The following DEFB121 variants were observed in gnomAD, a reference collection of about 807,000 sequenced individuals.
DEFB121 encodes defensin beta 121.
Under a neutral mutation model 2.5 loss-of-function variants are expected in DEFB121, and 5 were observed. The ratio of observed to expected loss-of-function variants is 1.96; its 90% CI spans 1.03 to 4.13. The LOEUF (loss-of-function observed/expected upper bound fraction) is 4.13. Ranked by LOEUF, DEFB121 falls within the 30% of genes most tolerant of loss-of-function variation. The probability of loss-of-function intolerance (pLI) is 0.00; values close to 1 mark genes in which losing one functional copy is unlikely to be tolerated. For missense variants in DEFB121, 87 were observed against 85.0 expected (o/e 1.02, Z -0.09); for synonymous variants, 39 against 32.6 (o/e 1.20, Z -0.67).
chr20:31,412,760 C>A (rs765197775), exon 1 of DEFB121: 2 of 1,053,210 alleles, frequency 1.9e-6, no homozygotes, highest in Non-Finnish European at 1.3e-6. Flanking sequence ...CTCTGCTCAC[C>A]GTGATCTTCA....
chr20:31,416,359 C>A (rs1269477281), upstream of DEFB121, among the ~76,000 whole-genome samples: 1 of 152,188 alleles, frequency 6.6e-6, no homozygotes, highest in African/African-American at 2.4e-5. Flanking sequence ...CGGCGCCTGG[C>A]CTTCTTCGCA....
upstream of DEFB121, among the ~76,000 whole-genome samples, chr20:31,413,661 T>C (rs1376324281): frequency 6.8e-6 from 1 of 148,100 alleles, no homozygotes; most frequent in Non-Finnish European, 1.5e-5. Context: ...AGCCATTATA[T>C]GCCCTGGCCT....
upstream of DEFB121, among the ~76,000 whole-genome samples, chr20:31,417,076 T>C (rs1978827528): frequency 1.3e-5 from 2 of 152,188 alleles, no homozygotes; most frequent in South Asian, 4.1e-4. Flanking sequence ...CCGGGCGCAA[T>C]GGCTCACATC....
upstream of DEFB121, among the ~76,000 whole-genome samples, chr20:31,407,925 G>A (rs1486931899): frequency 6.6e-6 from 1 of 152,026 alleles, no homozygotes; most frequent in Admixed American, 6.6e-5. Flanking sequence ...CTACAGGCAC[G>A]CGCCACCACA....
chr20:31,414,713 G>T (rs1294283097), upstream of DEFB121, among the ~76,000 whole-genome samples: 1 of 152,154 alleles, frequency 6.6e-6, no homozygotes, highest in Non-Finnish European at 1.5e-5. Flanking sequence ...GGGAAATTAG[G>T]AATTACTAAT....
chr20:31,406,305 T>A (rs1568738871), upstream of DEFB121: 1 of 1,413,316 alleles, frequency 7.1e-7, no homozygotes, highest in East Asian at 2.6e-5. Context: ...TCATTTGAGA[T>A]CAGACAGGCA....
At chr20:31,412,494 C>A (rs1978691381) in intron 1 of DEFB121, 1 of 551,562 alleles carries the variant, frequency 1.8e-6, no homozygotes. Context: ...GGAGATGATA[C>A]TACTGACAGC....
At chr20:31,414,939 A>C (rs1448645622), upstream of DEFB121, among the ~76,000 whole-genome samples, 1 of 152,088 alleles carries the variant, frequency 6.6e-6, no homozygotes, top group Non-Finnish European at 1.5e-5. Flanking sequence ...AGTCCCAGCT[A>C]CTCAGGGACA....
chr20:31,416,721 T>C (rs1460294189), upstream of DEFB121, among the ~76,000 whole-genome samples: 1 of 152,242 alleles, frequency 6.6e-6, no homozygotes, highest in African/African-American at 2.4e-5. Flanking sequence ...GAATTTACCT[T>C]TCTGTAACAT....
chr20:31,405,427 G>A (rs948181826), intron 1 of DEFB121, among the ~76,000 whole-genome samples: 1 of 152,146 alleles, frequency 6.6e-6, no homozygotes, highest in African/African-American at 2.4e-5. Context: ...CAGGTGCCCA[G>A]TAGCAATTAG....
At chr20:31,414,789 G>A (rs1433962080), upstream of DEFB121, among the ~76,000 whole-genome samples, 4 of 152,168 alleles carry the variant, frequency 2.6e-5, no homozygotes, top group Non-Finnish European at 4.4e-5. Flanking sequence ...AGTAGCTCAC[G>A]CCTGTAGTCC....
At chr20:31,416,960 AG>A (rs1343329519), upstream of DEFB121, among the ~76,000 whole-genome samples, 1 of 152,114 alleles carries the variant, frequency 6.6e-6, no homozygotes, top group African/African-American at 2.4e-5. Context: ...TTCTTAAAGC[AG>A]GGAGACTGAT....
chr20:31,407,841 C>T (rs1978532660), upstream of DEFB121, among the ~76,000 whole-genome samples: 1 of 152,074 alleles, frequency 6.6e-6, no homozygotes, highest in African/African-American at 2.4e-5. Flanking sequence ...GCCGTGGCAC[C>T]ATCTCAGCTC....
chr20:31,407,902 C>T (rs565851152), upstream of DEFB121, among the ~76,000 whole-genome samples: 12 of 152,254 alleles, frequency 7.9e-5, no homozygotes, highest in East Asian at 1.9e-3. Context: ...CTTAGCCCCC[C>T]GAGTAGCTAG....
intron 1 of DEFB121, 48 bp downstream of exon 1, chr20:31,406,047 A>G (rs771930758): frequency 9.3e-6 from 15 of 1,606,154 alleles, no homozygotes; most frequent in South Asian, 2.2e-5. Context: ...TTCTCTGAAC[A>G]TGCATCAGGT....
upstream of DEFB121, among the ~76,000 whole-genome samples, chr20:31,408,285 A>G (rs1017775436): frequency 6.6e-6 from 1 of 152,052 alleles, no homozygotes; most frequent in African/African-American, 2.4e-5. Context: ...CTCTACACAC[A>G]CACAAAAAAA....
chr20:31,413,476 G>T (rs969512416), upstream of DEFB121, among the ~76,000 whole-genome samples: 4 of 152,178 alleles, frequency 2.6e-5, no homozygotes, highest in African/African-American at 4.8e-5. Flanking sequence ...AATCTTGGTG[G>T]CTTCTAAGAA....
intron 1 of DEFB121, chr20:31,412,474 T>A: frequency 2.4e-6 from 1 of 424,912 alleles, no homozygotes; most frequent in South Asian, 2.2e-5. Flanking sequence ...AGTTTAATTA[T>A]CTCTAATATG....
At chr20:31,409,042 A>G (rs1978579418), upstream of DEFB121, among the ~76,000 whole-genome samples, 1 of 151,942 alleles carries the variant, frequency 6.6e-6, no homozygotes, top group Non-Finnish European at 1.5e-5. Context: ...AAAAAAATGT[A>G]CCAAGGCAAA....
Sources: allele counts gnomAD v4.1 joint callset (sites outside exome capture counted in the v4.1 genomes callset), GRCh38; gene constraint gnomAD v4.1.1; transcripts MANE v1.5; gene names NCBI Gene and HGNC (gene_info 2026-07-23, HGNC 2026-07-21).